The following NEGR1 variants were observed in gnomAD, a reference collection of about 807,000 sequenced individuals.
NEGR1 encodes neuronal growth regulator 1, also known as IgLON family member 4.
NEGR1 carries 10 observed loss-of-function variants against 40.9 expected under a neutral mutation model. That is an observed-to-expected ratio of 0.24 (90% confidence interval 0.15 to 0.42). NEGR1 has a LOEUF of 0.42. Ranked by LOEUF, NEGR1 falls within the 10% of genes least tolerant of loss-of-function variation. The probability of loss-of-function intolerance (pLI) is 1.00; values close to 1 mark genes in which losing one functional copy is unlikely to be tolerated. For missense variants in NEGR1, 352 were observed against 438.9 expected (o/e 0.80, Z 1.77); for synonymous variants, 185 against 166.8 (o/e 1.11, Z -0.84).
chr1:72,134,941 T>C (rs1049464430), intron 1 of NEGR1, among the ~76,000 whole-genome samples: 6 of 151,042 alleles, frequency 4.0e-5, no homozygotes, highest in African/African-American at 1.5e-4. Context: ...TTCTCCATGT[T>C]GGTCAGGCTA....
At chr1:72,023,439 G>A (rs1219049893) in intron 1 of NEGR1, among the ~76,000 whole-genome samples, 4 of 151,402 alleles carry the variant, frequency 2.6e-5, no homozygotes, top group African/African-American at 4.9e-5. Context: ...GATTTATCAG[G>A]GGAATTTTAA....
At chr1:72,102,096 C>T (rs995185412) in intron 1 of NEGR1, among the ~76,000 whole-genome samples, 9 of 151,976 alleles carry the variant, frequency 5.9e-5, no homozygotes, top group African/African-American at 2.2e-4. Flanking sequence ...ATGTCTTACT[C>T]TAAAGAAAAC....
At chr1:71,457,416 T>A (rs1249677300) in intron 6 of NEGR1, among the ~76,000 whole-genome samples, 2 of 152,212 alleles carry the variant, frequency 1.3e-5, no homozygotes, top group Non-Finnish European at 2.9e-5. Context: ...CAAAGATAGA[T>A]CTGCCCATGA....
chr1:71,920,366 C>T (rs1645703351), intron 2 of NEGR1, among the ~76,000 whole-genome samples: 1 of 152,152 alleles, frequency 6.6e-6, no homozygotes, highest in African/African-American at 2.4e-5. Context: ...GAATGACTTA[C>T]TATATACCCT....
intron 1 of NEGR1, among the ~76,000 whole-genome samples, chr1:72,230,321 T>A (rs1654323207): frequency 6.6e-6 from 1 of 152,152 alleles, no homozygotes. Flanking sequence ...TATAAAATTA[T>A]TTTCAACTAA....
intron 1 of NEGR1, among the ~76,000 whole-genome samples, chr1:72,193,968 C>T (rs1232522186): frequency 6.6e-6 from 1 of 151,578 alleles, no homozygotes; most frequent in Non-Finnish European, 1.5e-5. Context: ...TATTAATGAT[C>T]TTGATCTAAG....
At chr1:72,267,075 A>AT (rs1407345992) in intron 1 of NEGR1, among the ~76,000 whole-genome samples, 2 of 150,988 alleles carry the variant, frequency 1.3e-5, no homozygotes, top group African/African-American at 4.8e-5. Context: ...ACATTTGTTT[A>AT]TTTTGTACCA....
intron 6 of NEGR1, among the ~76,000 whole-genome samples, chr1:71,447,872 G>A (rs1646593727): frequency 6.6e-6 from 1 of 152,078 alleles, no homozygotes; most frequent in Non-Finnish European, 1.5e-5. Context: ...TTTCAAAGTA[G>A]TTTAAACAAC....
chr1:71,409,427 A>T (rs1389676645), intron 6 of NEGR1, among the ~76,000 whole-genome samples: 1 of 152,010 alleles, frequency 6.6e-6, no homozygotes, highest in African/African-American at 2.4e-5. Flanking sequence ...AGCAAAGGTA[A>T]ATTATTTTTG....
At chr1:72,276,538 A>G (rs1039119896) in intron 1 of NEGR1, among the ~76,000 whole-genome samples, 1 of 152,162 alleles carries the variant, frequency 6.6e-6, no homozygotes, top group African/African-American at 2.4e-5. Flanking sequence ...TACTGAAATT[A>G]TTAAATGATA....
intron 1 of NEGR1, among the ~76,000 whole-genome samples, chr1:72,280,831 C>A (rs1656216739): frequency 1.3e-5 from 2 of 152,088 alleles, no homozygotes. Context: ...CTCTCTTTCA[C>A]CTTAGACATG....
chr1:71,760,094 G>A (rs529438809), intron 3 of NEGR1, among the ~76,000 whole-genome samples: 95 of 152,070 alleles, frequency 6.2e-4, no homozygotes, highest in African/African-American at 2.2e-3. Flanking sequence ...TGCACCAAGG[G>A]GAAACAACGT....
chr1:71,430,393 G>A (rs972958746), intron 6 of NEGR1, among the ~76,000 whole-genome samples: 15 of 152,014 alleles, frequency 9.9e-5, no homozygotes, highest in African/African-American at 3.6e-4. Context: ...GCTCAACTAG[G>A]TGACTGCAAT....
chr1:71,868,855 C>A (rs544996849), intron 2 of NEGR1, among the ~76,000 whole-genome samples: 39 of 152,192 alleles, frequency 2.6e-4, no homozygotes, highest in African/African-American at 8.9e-4. Flanking sequence ...CACCTTCTCC[C>A]TCTCACCACT....
intron 2 of NEGR1, among the ~76,000 whole-genome samples, chr1:71,845,729 AT>A (rs1659383323): frequency 2.0e-5 from 3 of 151,418 alleles, no homozygotes; most frequent in East Asian, 1.9e-4. Context: ...CTATCTATCT[AT>A]CTATCTACCT....
At chr1:72,146,942 C>A (rs943902788) in intron 1 of NEGR1, among the ~76,000 whole-genome samples, 1 of 152,082 alleles carries the variant, frequency 6.6e-6, no homozygotes, top group Non-Finnish European at 1.5e-5. Context: ...TCTTGATGTA[C>A]AATTGCTTTC....
chr1:71,572,075 T>A (rs1195794117), intron 6 of NEGR1, among the ~76,000 whole-genome samples: 1 of 152,154 alleles, frequency 6.6e-6, no homozygotes, highest in Non-Finnish European at 1.5e-5. Flanking sequence ...CTTTGTCTTT[T>A]ATATTAGAAT....
At chr1:71,853,425 G>C (rs1422706010) in intron 2 of NEGR1, among the ~76,000 whole-genome samples, 1 of 151,994 alleles carries the variant, frequency 6.6e-6, no homozygotes, top group African/African-American at 2.4e-5. Context: ...GCTATGTTTA[G>C]AAGTCCATTA....
At chr1:71,904,207 G>A (rs370243523) in intron 2 of NEGR1, among the ~76,000 whole-genome samples, 2 of 151,648 alleles carry the variant, frequency 1.3e-5, no homozygotes, top group Admixed American at 6.6e-5. Flanking sequence ...GAGGACTTGC[G>A]GATATTTAGT....
Sources: allele counts gnomAD v4.1 joint callset (sites outside exome capture counted in the v4.1 genomes callset), GRCh38; gene constraint gnomAD v4.1.1; transcripts MANE v1.5; gene names NCBI Gene and HGNC (gene_info 2026-07-23, HGNC 2026-07-21).